Variants in ANO4 observed in about 807,000 individuals in gnomAD.
ANO4 encodes anoctamin-4.
ANO4 carries 69 observed loss-of-function variants against 141.9 expected under a neutral mutation model. That is an observed-to-expected ratio of 0.49 (90% CI 0.40 to 0.59). The LOEUF (loss-of-function observed/expected upper bound fraction) is 0.59, where lower values mean the gene tolerates loss of function less well. Ranked by LOEUF, ANO4 falls within the 20% of genes least tolerant of loss-of-function variation. ANO4 has a pLI of 0.00. For synonymous variants in ANO4, 350 were observed against 394.3 expected, an observed-to-expected ratio of 0.89 and a Z score of 1.33; for missense variants, 894 against 1,162.2, an observed-to-expected ratio of 0.77 and a Z score of 3.36.
chr12:100,775,539 G>A (rs995678389), intron 3 of ANO4, among the ~76,000 whole-genome samples: 1 of 152,304 alleles, frequency 6.6e-6, no homozygotes, highest in East Asian at 1.9e-4. Context: ...CTTTATAATT[G>A]TGTGACCTTG....
chr12:100,897,117 A>G (rs987915935), intron 1 of ANO4, among the ~76,000 whole-genome samples: 1 of 152,146 alleles, frequency 6.6e-6, no homozygotes, highest in African/African-American at 2.4e-5. Flanking sequence ...TTATCCCCCA[A>G]GGTGTGTGTT....
At chr12:100,842,061 A>ACCCCCCCCCCCCCCCCCCC (rs560427876) in intron 1 of ANO4, 1 of 51,286 alleles carries the variant, frequency 1.9e-5, no homozygotes, top group African/African-American at 6.9e-5. Flanking sequence ...GTAAATATCC[A>ACCCCCCCCCCCCCCCCCCC]CCCCCCCCCC....
At chr12:100,910,497 A>G (rs2041054466) in intron 2 of ANO4, among the ~76,000 whole-genome samples, 1 of 152,068 alleles carries the variant, frequency 6.6e-6, no homozygotes, top group Admixed American at 6.5e-5. Context: ...TCCTTTAGAC[A>G]CTCATAATTA....
chr12:100,762,889 A>G, intron 3 of ANO4, among the ~76,000 whole-genome samples: 1 of 152,196 alleles, frequency 6.6e-6, no homozygotes, highest in East Asian at 1.9e-4. Flanking sequence ...AACAGTGCCC[A>G]GAACATAGTA....
Position 100,965,414 on chromosome 12 carries a change from C to T in ANO4, c.457-5892C>T, listed in dbSNP as rs934650644. 4.6e-5 allele frequency among the ~76,000 whole-genome samples: 7 copies of T among 152,282 alleles called. No homozygotes were observed. In the East Asian group the frequency reaches 1.2e-3, roughly 25 times the overall value. Reference sequence around the variant, plus strand: ...TAACTTTCTTATTGAACTTCCCACTCCTATGCTTCCTGTGGACCATTCTCT... The same window carrying T: ...TAACTTTCTTATTGAACTTCCCACTTCTATGCTTCCTGTGGACCATTCTCT... On this transcript the variant is annotated intron_variant, in intron 5 of 27. Transcript: ENST00000392977.
intron 1 of ANO4, among the ~76,000 whole-genome samples, chr12:100,730,487 C>T (rs898034461): frequency 6.6e-6 from 1 of 152,180 alleles, no homozygotes; most frequent in Non-Finnish European, 1.5e-5. Flanking sequence ...ACAGCAACCT[C>T]TCTGAAATTA....
In ANO4 at chr12:101,048,032, A is replaced by G. The variant is rs1041278100; in HGVS notation, c.1252-309A>G. ...TAAATATAACTATATCCATACACAT[A>G]TGTACGTGTATAAGAGTTTTGTTGT... is the stretch of plus-strand genomic sequence containing the variant. On this transcript the variant is annotated intron_variant, in intron 13 of 27. Transcript: ENST00000392977. 13 of 1,124,540 alleles carry G rather than the reference A, an allele frequency of 1.2e-5. No homozygotes were observed. In the African/African-American group the frequency reaches 1.9e-4, roughly 17 times the overall value. 69.7% of individuals were successfully genotyped at this position (1,124,540 alleles called of 1,614,324 possible).
chr12:100,882,274 G>C lies in ANO4; in HGVS notation c.-140-19372G>C, dbSNP rs912949917. On this transcript the variant is annotated intron_variant, in intron 1 of 27. Coordinates refer to ENST00000392977, the MANE Select transcript of ANO4 (RefSeq NM_001286615.2). ...ACGGGGTGGAACCAGAATACTTGTC[G>C]AGCTACATAGGCCAATTTCAGAGCC... Among the ~76,000 whole-genome samples the C allele has an allele frequency of 5.3e-5, 8 of 152,052 alleles. No individual in the cohort carries two copies. In the South Asian group the frequency reaches 1.5e-3, roughly 28 times the overall value.
chr12:100,928,880 A>T (rs2653452), intron 3 of ANO4, among the ~76,000 whole-genome samples: 103,620 of 152,008 alleles, frequency 0.68, 35,671 homozygotes, highest in African/African-American at 0.75. Flanking sequence ...CCCATTGTGG[A>T]GTGCTGGGGT....
chr12:101,025,807 G>A (rs1317334324), intron 9 of ANO4, among the ~76,000 whole-genome samples: 1 of 152,034 alleles, frequency 6.6e-6, no homozygotes, highest in Non-Finnish European at 1.5e-5. Context: ...CACCATAGTA[G>A]CAAACTAAAA....
chr12:100,806,533 T>TC (rs2135685209), intron 1 of ANO4, among the ~76,000 whole-genome samples: 1 of 35,888 alleles, frequency 2.8e-5, no homozygotes, highest in East Asian at 9.0e-4. Flanking sequence ...CGTTTTTTTT[T>TC]TTTTTTTTTT....
intron 3 of ANO4, among the ~76,000 whole-genome samples, chr12:100,745,094 G>T (rs80062874): frequency 0.012 from 1,859 of 152,250 alleles, 17 homozygotes; most frequent in Non-Finnish European, 0.02. Flanking sequence ...ACAGGGTACA[G>T]GTACGTAAGG....
intron 17 of ANO4, among the ~76,000 whole-genome samples, chr12:101,093,630 C>T (rs1201939554): frequency 2.0e-5 from 3 of 152,114 alleles, no homozygotes; most frequent in Non-Finnish European, 2.9e-5. Context: ...GGTACACACA[C>T]GCACACACAA....
At chr12:101,082,903 T>C (rs1212162485) in intron 15 of ANO4, among the ~76,000 whole-genome samples, 4 of 152,234 alleles carry the variant, frequency 2.6e-5, no homozygotes, top group Non-Finnish European at 4.4e-5. Flanking sequence ...GCATGCTTAA[T>C]TAACGGGAAC....
At chr12:100,758,766 A>G (rs1453860398) in intron 3 of ANO4, among the ~76,000 whole-genome samples, 2 of 152,172 alleles carry the variant, frequency 1.3e-5, no homozygotes, top group Admixed American at 1.3e-4. Flanking sequence ...TAAAAATGTC[A>G]ACAGGCTCTG....
chr12:100,736,045 C>T (rs2031594712), intron 2 of ANO4, among the ~76,000 whole-genome samples: 1 of 152,108 alleles, frequency 6.6e-6, no homozygotes, highest in Non-Finnish European at 1.5e-5. Flanking sequence ...ACCAAGCAAG[C>T]ACCTTTCTTG....
intron 1 of ANO4, among the ~76,000 whole-genome samples, chr12:100,878,554 T>A (rs1294681365): frequency 6.6e-6 from 1 of 152,158 alleles, no homozygotes; most frequent in East Asian, 1.9e-4. Context: ...CTCAGCAACT[T>A]TGAGTGAAGG....
intron 3 of ANO4, among the ~76,000 whole-genome samples, chr12:100,936,633 C>T (rs973609128): frequency 1.3e-5 from 2 of 152,134 alleles, no homozygotes; most frequent in Non-Finnish European, 2.9e-5. Context: ...ACCTCAGTGT[C>T]CTTGTTCCCC....
intron 9 of ANO4, among the ~76,000 whole-genome samples, chr12:101,030,540 T>C (rs998529251): frequency 2.0e-5 from 3 of 152,192 alleles, no homozygotes; most frequent in South Asian, 4.1e-4. Context: ...AGATCTCAAA[T>C]TGATACACTA....
Sources: gnomAD v4.1 joint callset for allele counts (sites outside exome capture counted in the v4.1 genomes callset) on GRCh38, gnomAD v4.1.1 for gene constraint, MANE v1.5 for transcripts, NCBI Gene and HGNC (gene_info 2026-07-23, HGNC 2026-07-21) for gene names.